Variants in RAP1GDS1 observed in about 807,000 individuals in gnomAD.
RAP1GDS1 encodes RAP1, GTP-GDP dissociation stimulator 1.
RAP1GDS1 carries 35 observed loss-of-function variants against 71.1 expected under a neutral mutation model. The ratio of observed to expected loss-of-function variants is 0.49; its 90% CI spans 0.38 to 0.65. The LOEUF (loss-of-function observed/expected upper bound fraction) is 0.65, where lower values mean the gene tolerates loss of function less well. Ranked by LOEUF, RAP1GDS1 falls within the 30% of genes least tolerant of loss-of-function variation. RAP1GDS1 has a pLI of 0.00. For synonymous variants in RAP1GDS1, 229 were observed against 243.1 expected (o/e 0.94, Z 0.54); for missense variants, 663 against 706.1 (o/e 0.94, Z 0.69).
chr4:98,409,577 A>G (rs564424934), intron 7 of RAP1GDS1: 4 of 197,524 alleles, frequency 2.0e-5, no homozygotes, highest in African/African-American at 9.4e-5. Context: ...TAAGCACTCA[A>G]GAGCCAAGAT....
chr4:98,421,212 G>T, intron 11 of RAP1GDS1, 43 bp from the exon 12 acceptor site: 1 of 1,535,118 alleles, frequency 6.5e-7, no homozygotes, highest in Non-Finnish European at 8.9e-7. Flanking sequence ...TCAACTGATT[G>T]TCTGTTAGTG....
chr4:98,355,531 T>A (rs1035110708), intron 4 of RAP1GDS1, among the ~76,000 whole-genome samples: 3 of 152,196 alleles, frequency 2.0e-5, no homozygotes, highest in African/African-American at 7.2e-5. Flanking sequence ...GCCTGTTGGC[T>A]AAGATCAAGT....
chr4:98,440,435 T>C (rs1751722467), intron 14 of RAP1GDS1, among the ~76,000 whole-genome samples: 2 of 152,208 alleles, frequency 1.3e-5, no homozygotes. Context: ...TCATACTCTT[T>C]TTCACAGTGG....
chr4:98,420,257 C>A, intron 11 of RAP1GDS1, 113 bp downstream of exon 11: 1 of 1,064,378 alleles, frequency 9.4e-7, no homozygotes, highest in Non-Finnish European at 1.2e-6. Context: ...TAAAAAATAG[C>A]AAATAAAAGA....
intron 8 of RAP1GDS1, among the ~76,000 whole-genome samples, 165 bp downstream of exon 8, chr4:98,417,053 A>G (rs552319266): frequency 6.6e-6 from 1 of 152,336 alleles, no homozygotes; most frequent in South Asian, 2.1e-4. Flanking sequence ...ACAACCAGAC[A>G]TAATGAACCT....
At chr4:98,431,886 T>C (rs1479688084) in intron 12 of RAP1GDS1, among the ~76,000 whole-genome samples, 1 of 152,240 alleles carries the variant, frequency 6.6e-6, no homozygotes, top group Non-Finnish European at 1.5e-5. Context: ...TTTCATAGAA[T>C]AGCTATTCAA....
At chr4:98,431,070 A>T (rs977898509) in intron 12 of RAP1GDS1, among the ~76,000 whole-genome samples, 1 of 152,204 alleles carries the variant, frequency 6.6e-6, no homozygotes, top group African/African-American at 2.4e-5. Flanking sequence ...TTGCCTTTAT[A>T]CCAGGAATAT....
chr4:98,342,526 C>T (rs1735633663), intron 2 of RAP1GDS1, among the ~76,000 whole-genome samples: 1 of 151,956 alleles, frequency 6.6e-6, no homozygotes, highest in South Asian at 2.1e-4. Context: ...GAAGTGGGGG[C>T]CTCTTGAATT....
intron 1 of RAP1GDS1, among the ~76,000 whole-genome samples, chr4:98,271,892 A>G (rs1383880686): frequency 6.6e-6 from 1 of 152,222 alleles, no homozygotes; most frequent in Non-Finnish European, 1.5e-5. Context: ...CTAACACTCC[A>G]ACATCCTGAT....
intron 2 of RAP1GDS1, among the ~76,000 whole-genome samples, chr4:98,296,190 A>G (rs1157067321): frequency 1.3e-5 from 2 of 152,090 alleles, no homozygotes; most frequent in Non-Finnish European, 2.9e-5. Context: ...ATAAGATGGT[A>G]ATGTATGTAA....
chr4:98,311,833 CTCACTATG>C (rs1730269175), intron 2 of RAP1GDS1, among the ~76,000 whole-genome samples: 1 of 152,180 alleles, frequency 6.6e-6, no homozygotes, highest in Non-Finnish European at 1.5e-5. Context: ...TACATGGGGT[CTCACTATG>C]TTGTCCAGGC....
intron 1 of RAP1GDS1, among the ~76,000 whole-genome samples, chr4:98,266,060 A>T (rs953253728): frequency 3.3e-5 from 5 of 152,152 alleles, no homozygotes; most frequent in African/African-American, 4.8e-5. Context: ...CTCACTCTGC[A>T]TGACAGATAT....
intron 2 of RAP1GDS1, among the ~76,000 whole-genome samples, chr4:98,342,191 TTCC>T (rs1735590208): frequency 6.6e-6 from 1 of 152,172 alleles, no homozygotes; most frequent in South Asian, 2.1e-4. Flanking sequence ...AAAAATGATT[TTCC>T]TCCTCTTTAC....
At chr4:98,295,287 A>T (rs1398570544) in intron 2 of RAP1GDS1, among the ~76,000 whole-genome samples, 1 of 152,104 alleles carries the variant, frequency 6.6e-6, no homozygotes. Flanking sequence ...CCACGTAACC[A>T]CAAGGTATTA....
chr4:98,439,021 A>G (rs1751549506), intron 14 of RAP1GDS1, among the ~76,000 whole-genome samples: 1 of 152,228 alleles, frequency 6.6e-6, no homozygotes, highest in Non-Finnish European at 1.5e-5. Context: ...AGAGAAGGGA[A>G]GTCTATCGTA....
chr4:98,350,449 A>G (rs1244654649), intron 3 of RAP1GDS1, among the ~76,000 whole-genome samples: 2 of 151,854 alleles, frequency 1.3e-5, no homozygotes, highest in African/African-American at 4.8e-5. Context: ...GTTCTCACCT[A>G]TAATCCTAGC....
chr4:98,351,115 C>A (rs973492297), intron 3 of RAP1GDS1, among the ~76,000 whole-genome samples: 1 of 152,140 alleles, frequency 6.6e-6, no homozygotes, highest in Non-Finnish European at 1.5e-5. Context: ...TCATTGAATT[C>A]ATGAACATGT....
chr4:98,361,635 C>T (rs766819858), intron 4 of RAP1GDS1, among the ~76,000 whole-genome samples: 5 of 152,116 alleles, frequency 3.3e-5, no homozygotes. Context: ...ATACTAGTAT[C>T]AGCAGGCACA....
At chr4:98,427,584 C>A (rs1230288512) in intron 12 of RAP1GDS1, among the ~76,000 whole-genome samples, 1 of 151,874 alleles carries the variant, frequency 6.6e-6, no homozygotes. Flanking sequence ...AGCTGAGAAT[C>A]CAATCAAGAA....
Sources: gnomAD v4.1 joint callset for allele counts (sites outside exome capture counted in the v4.1 genomes callset) on GRCh38, gnomAD v4.1.1 for gene constraint, MANE v1.5 for transcripts, NCBI Gene and HGNC (gene_info 2026-07-23, HGNC 2026-07-21) for gene names.